RIT2: variants seen among roughly 807,000 people sequenced by gnomAD.
RIT2 encodes the protein GTP-binding protein Rit2.
A neutral mutation model predicts 23.7 loss-of-function variants in RIT2; 24 were observed. That is an observed-to-expected ratio of 1.01 (90% confidence interval 0.73 to 1.43). The LOEUF (loss-of-function observed/expected upper bound fraction) is 1.43. RIT2 is among the 40% of genes most tolerant of loss of function. The pLI is 0.00. For missense variants in RIT2, 236 were observed against 266.9 expected (o/e 0.88, Z 0.81); for synonymous variants, 107 against 91.1 (o/e 1.17, Z -0.99).
At chr18:42,929,066 A>ATAT (rs1568032674) in intron 3 of RIT2, among the ~76,000 whole-genome samples, 1 of 43,342 alleles carries the variant, frequency 2.3e-5, no homozygotes, top group African/African-American at 7.2e-5. Context: ...TATTTATATG[A>ATAT]GACAAATAAA....
At chr18:43,085,457 AGTC>A (rs1302040439) in intron 1 of RIT2, among the ~76,000 whole-genome samples, 3 of 152,084 alleles carry the variant, frequency 2.0e-5, no homozygotes, top group African/African-American at 7.2e-5. Context: ...GTATTCCCCT[AGTC>A]TAACTTTGTA....
chr18:42,973,436 T>C (rs1393051014), intron 3 of RIT2, among the ~76,000 whole-genome samples: 2 of 151,948 alleles, frequency 1.3e-5, no homozygotes, highest in Non-Finnish European at 2.9e-5. Flanking sequence ...ATTTTGAAAG[T>C]ATTAAGTTAA....
At chr18:42,929,031 GGA>G (rs569778909) in intron 3 of RIT2, among the ~76,000 whole-genome samples, 1 of 36,218 alleles carries the variant, frequency 2.8e-5, no homozygotes, top group African/African-American at 9.7e-5. Context: ...ACTAAAATAT[GGA>G]GATATATATA....
intron 3 of RIT2, among the ~76,000 whole-genome samples, chr18:42,929,292 C>T (rs1226407380): frequency 6.6e-6 from 1 of 151,926 alleles, no homozygotes; most frequent in Non-Finnish European, 1.5e-5. Context: ...ACAACATCCC[C>T]AGTGTCAACC....
intron 4 of RIT2, among the ~76,000 whole-genome samples, chr18:42,851,678 C>T (rs1310850519): frequency 2.0e-5 from 3 of 151,852 alleles, no homozygotes; most frequent in African/African-American, 4.8e-5. Flanking sequence ...GGTGAAACCC[C>T]GTCTCTACTA....
intron 2 of RIT2, among the ~76,000 whole-genome samples, chr18:43,002,169 C>T (rs1911122115): frequency 6.6e-6 from 1 of 151,874 alleles, no homozygotes; most frequent in South Asian, 2.1e-4. Flanking sequence ...AACCACTGGT[C>T]CAAGAGTTTA....
chr18:42,898,950 C>G (rs1356839200), intron 4 of RIT2, among the ~76,000 whole-genome samples: 1 of 152,132 alleles, frequency 6.6e-6, no homozygotes, highest in African/African-American at 2.4e-5. Flanking sequence ...TGTCTTATTA[C>G]AAATGATGCT....
chr18:43,102,887 C>G (rs1402261521), intron 1 of RIT2, among the ~76,000 whole-genome samples: 2 of 152,106 alleles, frequency 1.3e-5, no homozygotes, highest in Non-Finnish European at 2.9e-5. Context: ...CTCCTGGCCT[C>G]AAGTGATCTG....
intron 1 of RIT2, among the ~76,000 whole-genome samples, chr18:43,054,920 T>A (rs746756347): frequency 2.8e-4 from 42 of 152,076 alleles, no homozygotes; most frequent in Non-Finnish European, 4.7e-4. Context: ...ATATATGTGT[T>A]TTTCAATCTG....
At chr18:42,801,417 A>G (rs1353605930) in intron 4 of RIT2, among the ~76,000 whole-genome samples, 1 of 152,230 alleles carries the variant, frequency 6.6e-6, no homozygotes, top group African/African-American at 2.4e-5. Context: ...AGGCAGAAAG[A>G]TCCAGAATGT....
At chr18:43,009,198 A>G (rs2144251899) in intron 2 of RIT2, among the ~76,000 whole-genome samples, 1 of 151,874 alleles carries the variant, frequency 6.6e-6, no homozygotes, top group East Asian at 1.9e-4. Context: ...CCATGTCTAC[A>G]CTAGAAAAAA....
At chr18:43,043,593 C>G (rs1461560527) in intron 1 of RIT2, among the ~76,000 whole-genome samples, 6 of 152,034 alleles carry the variant, frequency 3.9e-5, no homozygotes. Context: ...GAGTTCAAGA[C>G]CAGCCTGACC....
At chr18:42,759,418 T>G (rs1479657615) in intron 4 of RIT2, among the ~76,000 whole-genome samples, 1 of 152,172 alleles carries the variant, frequency 6.6e-6, no homozygotes, top group Non-Finnish European at 1.5e-5. Flanking sequence ...ATTTCCAAGA[T>G]AATATAGTTC....
intron 4 of RIT2, among the ~76,000 whole-genome samples, chr18:42,764,850 A>T (rs999510877): frequency 1.3e-5 from 2 of 152,232 alleles, no homozygotes; most frequent in Admixed American, 1.3e-4. Flanking sequence ...TTAAAACAAA[A>T]GTTTGCTTAA....
intron 4 of RIT2, among the ~76,000 whole-genome samples, chr18:42,804,751 G>C (rs1446599402): frequency 6.6e-6 from 1 of 152,046 alleles, no homozygotes; most frequent in Admixed American, 6.6e-5. Flanking sequence ...CAACTCACTT[G>C]AGGGTCTTTA....
At chr18:43,094,501 C>T (rs1434287277) in intron 1 of RIT2, among the ~76,000 whole-genome samples, 2 of 151,822 alleles carry the variant, frequency 1.3e-5, no homozygotes, top group African/African-American at 4.8e-5. Context: ...TTCAAGGAAA[C>T]AGGATTTTTA....
Position 43,078,839 on chromosome 18 carries a change from A to G in RIT2, c.103+36578T>C, listed in dbSNP as rs907422121. On this transcript the variant is annotated intron_variant, in intron 1 of 4. Coordinates refer to ENST00000326695, the MANE Select transcript of RIT2 (RefSeq NM_002930.4). ...GTGGTCTTTTTATCTCAGCTGCATC[A>G]ATCTTCTGTCCAAGGGCATCTACAG... 4.6e-5 allele frequency among the ~76,000 whole-genome samples: 7 copies of G among 152,280 alleles called. No homozygotes were observed. In the East Asian group the frequency reaches 1.4e-3, roughly 29 times the overall value.
chr18:43,085,589 T>C (rs188618044), intron 1 of RIT2, among the ~76,000 whole-genome samples: 11 of 152,268 alleles, frequency 7.2e-5, no homozygotes, highest in Non-Finnish European at 7.4e-5. Flanking sequence ...CATGAAGTTG[T>C]AGTATTTGTC....
chr18:42,769,936 G>A (rs1913510958), intron 4 of RIT2, among the ~76,000 whole-genome samples: 1 of 151,634 alleles, frequency 6.6e-6, no homozygotes, highest in Admixed American at 6.6e-5. Context: ...TGAACCTTAG[G>A]AAAAGGGCAG....
Sources: allele counts gnomAD v4.1 joint callset (sites outside exome capture counted in the v4.1 genomes callset), GRCh38; gene constraint gnomAD v4.1.1; transcripts MANE v1.5; gene names NCBI Gene and HGNC (gene_info 2026-07-23, HGNC 2026-07-21).